ADORA2B: variants seen among roughly 807,000 people sequenced by gnomAD.
ADORA2B encodes the protein adenosine A2b receptor, also known as adenosine receptor A2b.
Under a neutral mutation model 20.8 loss-of-function variants are expected in ADORA2B, and 18 were observed. The observed-to-expected ratio is 0.87, with a 90% CI of 0.60 to 1.29. The LOEUF (loss-of-function observed/expected upper bound fraction) is 1.29. Among genes scored for constraint, ADORA2B ranks in the 50% most tolerant of loss-of-function variants. ADORA2B has a pLI of 0.00. For synonymous variants in ADORA2B, 179 were observed against 178.3 expected (o/e 1.00, Z -0.03); for missense variants, 441 against 422.7 (o/e 1.04, Z -0.38).
chr17:15,956,403 T>C (rs1969966431), intron 1 of ADORA2B, among the ~76,000 whole-genome samples: 1 of 152,078 alleles, frequency 6.6e-6, no homozygotes, highest in Non-Finnish European at 1.5e-5. Flanking sequence ...TGTTCTTTTC[T>C]TAATCCCATT....
chr17:15,962,662 G>T (rs534803010), intron 1 of ADORA2B, among the ~76,000 whole-genome samples: 2 of 152,296 alleles, frequency 1.3e-5, no homozygotes, highest in African/African-American at 4.8e-5. Flanking sequence ...CTCCTGAGTA[G>T]CTGGGATTAC....
At chr17:15,898,765 C>T in the ADORA2B span, among the ~76,000 whole-genome samples, 1 of 152,118 alleles carries the variant, frequency 6.6e-6, no homozygotes, top group Non-Finnish European at 1.5e-5. Flanking sequence ...TTGTCAGAGT[C>T]AAGGATTTTA....
At chr17:15,958,095 C>G (rs1213327676) in intron 1 of ADORA2B, among the ~76,000 whole-genome samples, 1 of 151,758 alleles carries the variant, frequency 6.6e-6, no homozygotes, top group Non-Finnish European at 1.5e-5. Flanking sequence ...TCTTGGTCAC[C>G]GCAACCTCTG....
the ADORA2B span, among the ~76,000 whole-genome samples, chr17:15,856,136 C>T: frequency 6.6e-6 from 1 of 151,812 alleles, no homozygotes; most frequent in Admixed American, 6.5e-5. Context: ...TCCATTTCCC[C>T]CATGCTGTTC....
chr17:15,969,534 G>A (rs1019845349), intron 1 of ADORA2B, among the ~76,000 whole-genome samples: 2 of 152,092 alleles, frequency 1.3e-5, no homozygotes, highest in Non-Finnish European at 2.9e-5. Context: ...CAGTGTGCCC[G>A]CATCCACCAT....
At chr17:15,948,398 C>CGATGGGGGGGGGGG (rs1969842672) in intron 1 of ADORA2B, among the ~76,000 whole-genome samples, 7 of 22,628 alleles carry the variant, frequency 3.1e-4, no homozygotes, top group Non-Finnish European at 2.0e-3. Flanking sequence ...TGGGCCCTGG[C>CGATGGGGGGGGGGG]GGCGGGGGGC....
At chr17:15,862,489 G>A in the ADORA2B span, among the ~76,000 whole-genome samples, 1 of 152,086 alleles carries the variant, frequency 6.6e-6, no homozygotes, top group Non-Finnish European at 1.5e-5. Context: ...GGGATTGCAG[G>A]TGTGAGCCTC....
At chr17:15,905,406 G>C in the ADORA2B span, among the ~76,000 whole-genome samples, 1 of 152,120 alleles carries the variant, frequency 6.6e-6, no homozygotes, top group African/African-American at 2.4e-5. Flanking sequence ...TTTTGAAACG[G>C]AGTCTCGCTC....
At chr17:15,937,606 C>G in the ADORA2B span, among the ~76,000 whole-genome samples, 7 of 149,898 alleles carry the variant, frequency 4.7e-5, no homozygotes, top group Non-Finnish European at 1.0e-4. Flanking sequence ...GAGTTTCGCT[C>G]TTGTTACCCA....
the ADORA2B span, among the ~76,000 whole-genome samples, chr17:15,921,784 G>C: frequency 2.0e-5 from 3 of 152,000 alleles, no homozygotes; most frequent in African/African-American, 7.3e-5. Flanking sequence ...AGGGATCCAG[G>C]CACCTTTTAG....
chr17:15,966,619 G>A (rs1019405213), intron 1 of ADORA2B, among the ~76,000 whole-genome samples: 5 of 152,122 alleles, frequency 3.3e-5, no homozygotes, highest in African/African-American at 7.2e-5. Flanking sequence ...GATTCCCTCC[G>A]TGTGACTGTT....
chr17:15,879,219 G>C, the ADORA2B span, among the ~76,000 whole-genome samples: 5 of 152,172 alleles, frequency 3.3e-5, no homozygotes, highest in Non-Finnish European at 5.9e-5. Context: ...AGGAGGCCAA[G>C]GTGGGAGAAT....
chr17:15,957,474 G>A (rs1485946573), intron 1 of ADORA2B, among the ~76,000 whole-genome samples: 1 of 152,198 alleles, frequency 6.6e-6, no homozygotes, highest in Non-Finnish European at 1.5e-5. Flanking sequence ...ACACGGGACA[G>A]GTTCAAGAGG....
chr17:15,907,658 C>T, the ADORA2B span, among the ~76,000 whole-genome samples: 1 of 152,102 alleles, frequency 6.6e-6, no homozygotes, highest in Admixed American at 6.5e-5. Context: ...AAAAAATCAC[C>T]AAACTGACAA....
intron 1 of ADORA2B, among the ~76,000 whole-genome samples, chr17:15,958,005 TCAGGTA>T (rs1434028795): frequency 2.0e-5 from 3 of 151,602 alleles, no homozygotes; most frequent in Non-Finnish European, 4.4e-5. Context: ...CCAGGACCTG[TCAGGTA>T]CACTTCCTTT....
At chr17:15,862,999 T>A in the ADORA2B span, among the ~76,000 whole-genome samples, 2 of 152,236 alleles carry the variant, frequency 1.3e-5, no homozygotes, top group Non-Finnish European at 2.9e-5. Context: ...TACCTTTGGA[T>A]GTAGCCTATA....
the ADORA2B span, among the ~76,000 whole-genome samples, chr17:15,873,121 G>A: frequency 1.4e-4 from 21 of 152,286 alleles, no homozygotes; most frequent in South Asian, 4.4e-3. Flanking sequence ...AAGAGATGCT[G>A]AACTTTGTTG....
At chr17:15,940,148 A>G (rs1969731543), upstream of ADORA2B, among the ~76,000 whole-genome samples, 1 of 152,242 alleles carries the variant, frequency 6.6e-6, no homozygotes, top group African/African-American at 2.4e-5. Flanking sequence ...AAGACAGTAC[A>G]GAATAAATAG....
At chr17:15,907,357 CAG>C in the ADORA2B span, among the ~76,000 whole-genome samples, 1 of 152,124 alleles carries the variant, frequency 6.6e-6, no homozygotes, top group Non-Finnish European at 1.5e-5. Flanking sequence ...GATGTTGAAT[CAG>C]GGGACCATTG....
Sources: gnomAD v4.1 joint callset for allele counts (sites outside exome capture counted in the v4.1 genomes callset) on GRCh38, gnomAD v4.1.1 for gene constraint, MANE v1.5 for transcripts, NCBI Gene and HGNC (gene_info 2026-07-23, HGNC 2026-07-21) for gene names.